Variants in TRIM29 observed in about 807,000 individuals in gnomAD.
TRIM29 encodes tripartite motif-containing protein 29.
Under a neutral mutation model 57.3 loss-of-function variants are expected in TRIM29, and 52 were observed. That is an observed-to-expected ratio of 0.91 (90% CI 0.73 to 1.14). The LOEUF is 1.14. Among genes scored for constraint, TRIM29 ranks in the 50% most tolerant of loss-of-function variants. The pLI, the probability that TRIM29 is intolerant of heterozygous loss-of-function variation, is 0.00. For synonymous variants in TRIM29, 319 were observed against 316.9 expected, an observed-to-expected ratio of 1.01 and a Z score of -0.07; for missense variants, 753 against 774.6, an observed-to-expected ratio of 0.97 and a Z score of 0.33.
chr11:120,125,624 G>A (rs1863568229), intron 4 of TRIM29, 67 bp downstream of exon 4: 2 of 1,564,108 alleles, frequency 1.3e-6, no homozygotes, highest in Non-Finnish European at 1.8e-6. Context: ...CCCATGTCAG[G>A]CAGCAGGAAT....
rs1863851173 is a variant in TRIM29, at chr11:120,137,782, C to T, written c.250G>A (p.Glu84Lys). ...EWRRPIIQFV[E>K]SGDDKNSNYF... is the part of the protein sequence containing the mutation. ...TTGGAGTTCTTGTCGTCCCCGGACT[C>T]GACAAACTGGATGATGGGTCGCCGC... Residue 84 changes from glutamate (E) to lysine (K), a missense_variant, in exon 1 of 9, where the codon GAG becomes AAG. Coordinates refer to ENST00000341846, the MANE Select transcript of TRIM29 (RefSeq NM_012101.4). This position sits in a 1 kb window ranked among gnomAD's most constrained non-coding sequence, Gnocchi z 6.2. 3 of 1,612,192 alleles carry T rather than the reference C, an allele frequency of 1.9e-6. No individual in the cohort carries two copies. Among genetic ancestry groups the T allele is most frequent in the Non-Finnish European group, 8.5e-7 (1 of 1,180,022 alleles).
chr11:120,128,411 C>T lies in TRIM29; in HGVS notation c.889G>A (p.Asp297Asn), dbSNP rs750291768. 3.1e-6 allele frequency: 5 copies of T among 1,611,852 alleles called. No individual in the cohort carries two copies. In the African/African-American group the frequency reaches 5.3e-5, roughly 17 times the overall value. The stretch of plus-strand genomic sequence containing the variant: ...TGGGGGCTGCTCACCTTGATGCGGT[C>T]CTTCTCCTTCTGCCACTTCTCAGCT... Reference protein sequence around the residue: ...DEAEKWQKEKDRIKSFTTNEK... With the variant: ...DEAEKWQKEKNRIKSFTTNEK... Residue 297 changes from aspartate to asparagine, a missense_variant, in exon 2 of 9, where the codon GAC becomes AAC. Transcript: ENST00000341846.
rs1330707550 is a variant in TRIM29 at position 120,138,001 on chromosome 11, C to T, written c.31G>A (p.Gly11Arg). The T allele has an allele frequency of 1.2e-6, 2 of 1,601,660 alleles. No individual in the cohort carries two copies. Among genetic ancestry groups the T allele is most frequent in the East Asian group, 2.2e-5 (1 of 44,858 alleles). Reference protein sequence around the residue: MEAADASRSNGSSPEARDARS... With the variant: MEAADASRSNRSSPEARDARS... Reference sequence around the variant, plus strand: ...GCATCCCTGGCTTCTGGGCTCGACCCGTTGCTCCTGGAGGCATCTGCAGCT... The same window carrying T: ...GCATCCCTGGCTTCTGGGCTCGACCTGTTGCTCCTGGAGGCATCTGCAGCT... The change falls in exon 1 of 9, where the codon GGG (glycine) becomes AGG (arginine). Residue 11 changes from glycine to arginine, a missense_variant. Transcript: ENST00000341846.
chr11:120,114,074 G>A (rs1863205357), intron 8 of TRIM29, among the ~76,000 whole-genome samples: 1 of 152,028 alleles, frequency 6.6e-6, no homozygotes, highest in Non-Finnish European at 1.5e-5. Flanking sequence ...AGACAGCTGG[G>A]GCCAGCCCCC....
chr11:120,119,540 C>T (rs1381896236), intron 6 of TRIM29, among the ~76,000 whole-genome samples: 6 of 152,250 alleles, frequency 3.9e-5, no homozygotes, highest in Non-Finnish European at 7.3e-5. Context: ...CTCTCAACAA[C>T]TGCTTCCTGA....
At chr11:120,122,336 T>C (rs1293638118) in intron 5 of TRIM29, among the ~76,000 whole-genome samples, 1 of 151,998 alleles carries the variant, frequency 6.6e-6, no homozygotes, top group Non-Finnish European at 1.5e-5. Context: ...ATTGCTGTGG[T>C]TTGTTGCTGG....
intron 6 of TRIM29, among the ~76,000 whole-genome samples, chr11:120,119,551 C>T (rs1024917273): frequency 3.3e-5 from 5 of 152,230 alleles, no homozygotes; most frequent in Non-Finnish European, 4.4e-5. Flanking sequence ...TGCTTCCTGA[C>T]CCCCTCCTAC....
At chr11:120,118,147 C>G in intron 7 of TRIM29, 76 bp downstream of exon 7, 1 of 1,346,918 alleles carries the variant, frequency 7.4e-7, no homozygotes, top group Non-Finnish European at 1.1e-6. Context: ...AGCAGCTCAG[C>G]GAAGAGACCC....
intron 6 of TRIM29, among the ~76,000 whole-genome samples, chr11:120,118,672 G>A (rs7128000): frequency 0.31 from 45,623 of 145,910 alleles, 7,396 homozygotes; most frequent in Middle Eastern, 0.36. Flanking sequence ...CTCCACCACT[G>A]GACATTCAAA....
In TRIM29 at chr11:120,112,467, G is replaced by T. The variant is rs756192979; in HGVS notation, c.1714C>A (p.Arg572=). Residue 572 remains arginine (R), a synonymous_variant, in exon 9 of 9, where the codon CGG becomes AGG. Coordinates refer to ENST00000341846, the MANE Select transcript of TRIM29 (RefSeq NM_012101.4). ...TTGCCTTTGTTGACGTAGAATGGCC[G>T]GTAGTGAGACTGTGGGGGAAACAAG... ...SGKQTMLSHY[R]PFYVNKGNGI... 2 of 1,613,506 alleles carry T rather than the reference G, an allele frequency of 1.2e-6. No individual in the cohort carries two copies. Among genetic ancestry groups the T allele is most frequent in the Non-Finnish European group, 1.7e-6 (2 of 1,179,768 alleles).
chr11:120,114,675 A>C (rs115215837), intron 8 of TRIM29, among the ~76,000 whole-genome samples: 1,534 of 152,272 alleles, frequency 0.01, 30 homozygotes, highest in African/African-American at 0.035. Context: ...GATATGTCAG[A>C]TCTAACGGGC....
intron 1 of TRIM29, among the ~76,000 whole-genome samples, chr11:120,133,261 C>T (rs1008375856): frequency 1.3e-5 from 2 of 152,218 alleles, no homozygotes; most frequent in African/African-American, 4.8e-5. Context: ...CTCAAGAAGA[C>T]CCTTCCAATC....
chr11:120,123,122 T>C (rs532292468), intron 4 of TRIM29, 67 bp from the exon 5 acceptor site: 80 of 1,420,412 alleles, frequency 5.6e-5, no homozygotes, highest in Admixed American at 1.0e-4. Context: ...ACTGGGGACT[T>C]TTGGGGCTCA....
At position 120,112,298 on chromosome 11, in the gene TRIM29, G is replaced by T. The variant is rs1307721683; in HGVS notation, c.*116C>A. ...AGAGGCTGGCAGAGGGCTGCAGAGGGCAGGTGCAGGACCAGGCTCCCTCCC... is the reference window on the plus strand; with the variant it reads ...AGAGGCTGGCAGAGGGCTGCAGAGGTCAGGTGCAGGACCAGGCTCCCTCCC... On this transcript the variant is annotated 3_prime_UTR_variant, in exon 9 of 9. Coordinates refer to ENST00000341846, the MANE Select transcript of TRIM29 (RefSeq NM_012101.4). 2 of 1,249,814 alleles carry T rather than the reference G, an allele frequency of 1.6e-6. No homozygotes were observed. Among genetic ancestry groups the T allele is most frequent in the East Asian group, 2.5e-5 (1 of 40,528 alleles). 77.4% of individuals were successfully genotyped at this position (1,249,814 alleles called of 1,614,324 possible).
At chr11:120,128,621 C>T in intron 1 of TRIM29, 126 bp from the exon 2 acceptor site, 2 of 1,517,844 alleles carry the variant, frequency 1.3e-6, no homozygotes, top group South Asian at 2.4e-5. Flanking sequence ...CTATTCAGCT[C>T]TTCATTCAGC....
Position 120,127,409 on chromosome 11 carries a change from GCT to G in TRIM29, c.1059_1060del (p.Arg353SerfsTer6). 1 of 1,614,178 alleles carries G rather than the reference GCT, an allele frequency of 6.2e-7. No individual in the cohort carries two copies. Among genetic ancestry groups the G allele is most frequent in the Non-Finnish European group, 8.5e-7 (1 of 1,180,040 alleles). ...CTGCTTGTCCTCATGCAGCACCTTG[GCT>G]CTCTCATCCAGAGCATCCATGATCA... On this transcript the variant is annotated frameshift_variant, in exon 3 of 9. Coordinates refer to ENST00000341846, the MANE Select transcript of TRIM29 (RefSeq NM_012101.4). LOFTEE classifies it high-confidence loss of function.
chr11:120,134,459 G>A (rs1322652773), intron 1 of TRIM29, among the ~76,000 whole-genome samples: 1 of 152,186 alleles, frequency 6.6e-6, no homozygotes. Context: ...TCAAAAGGAT[G>A]CCAGGACTGG....
Position 120,112,264 on chromosome 11 carries a change from C to G in TRIM29, c.*150G>C, listed in dbSNP as rs1863151993. The stretch of plus-strand genomic sequence containing the variant: ...AGTGGGGAAGTCGGAGAGGCCGGAA[C>G]TGCCCCCAAGAGGCTGGCAGAGGGC... On this transcript the variant is annotated 3_prime_UTR_variant, in exon 9 of 9. Transcript: ENST00000341846. The G allele has an allele frequency of 1.2e-6, 1 of 828,470 alleles. No homozygotes were observed. The highest frequency in any genetic ancestry group is 1.7e-5 in the African/African-American group (1 of 57,236). The allele number at this position is 828,470 out of a possible 1,614,324, so 51.3% of individuals were successfully genotyped here.
Position 120,137,895 on chromosome 11 carries a change from T to G in TRIM29, c.137A>C (p.His46Pro). ...DGKDAKTTNG[H>P]GGEAAEGKSL... ...CTTGCCCTCAGCTGCCTCCCCGCCG[T>G]GCCCGTTGGTGGTCTTGGCATCCTT... Residue 46 changes from histidine to proline, a missense_variant, in exon 1 of 9, where the codon CAC (histidine) becomes CCC (proline). His to Pro is a moderately conservative substitution (Grantham distance 77, BLOSUM62 -2). Transcript: ENST00000341846. This position sits in a 1 kb window ranked among gnomAD's most constrained non-coding sequence, Gnocchi z 6.2. 2 of 1,611,074 alleles carry G rather than the reference T, an allele frequency of 1.2e-6. No individual in the cohort carries two copies. The highest frequency in any genetic ancestry group is 1.7e-6 in the Non-Finnish European group (2 of 1,180,012).
Sources: allele counts gnomAD v4.1 joint callset (sites outside exome capture counted in the v4.1 genomes callset), GRCh38; gene constraint gnomAD v4.1.1; non-coding constraint Gnocchi (gnomAD v3.1); transcripts MANE v1.5; gene names NCBI Gene and HGNC (gene_info 2026-07-23, HGNC 2026-07-21).